ZNF814: variants seen among roughly 807,000 people sequenced by gnomAD.
The protein encoded by ZNF814 is zinc finger protein 814.
A neutral mutation model predicts 7.5 loss-of-function variants in ZNF814; 5 were observed. That is an observed-to-expected ratio of 0.67 (90% confidence interval 0.35 to 1.40). The LOEUF (loss-of-function observed/expected upper bound fraction) is 1.40, where lower values mean the gene tolerates loss of function less well. ZNF814 is among the 40% of genes most tolerant of loss of function. The pLI is 0.04. For synonymous variants in ZNF814, 315 were observed against 340.7 expected (o/e 0.92, Z 0.83); for missense variants, 962 against 1,018.0 (o/e 0.94, Z 0.75).
At chr19:57,889,290 T>G (rs1047344629), upstream of ZNF814, among the ~76,000 whole-genome samples, 1 of 152,198 alleles carries the variant, frequency 6.6e-6, no homozygotes, top group African/African-American at 2.4e-5. Flanking sequence ...CCGCCTGTAA[T>G]TCCACCAGTT....
At chr19:57,876,178 G>A (rs1008985427) in intron 2 of ZNF814, among the ~76,000 whole-genome samples, 2 of 151,780 alleles carry the variant, frequency 1.3e-5, no homozygotes, top group African/African-American at 4.8e-5. Context: ...GGCTGGTCTT[G>A]AACTCCTGAC....
the ZNF814 span, among the ~76,000 whole-genome samples, chr19:57,895,636 C>T: frequency 6.6e-6 from 1 of 152,118 alleles, no homozygotes; most frequent in Non-Finnish European, 1.5e-5. Flanking sequence ...GAGACTCTAA[C>T]TCCCTAAGCT....
In ZNF814 at chr19:57,877,000, C is replaced by G. The variant is rs2071612181; in HGVS notation, c.79G>C (p.Glu27Gln). 6.2e-6 allele frequency: 10 copies of G among 1,614,134 alleles called. No homozygotes were observed. Among genetic ancestry groups the G allele is most frequent in the African/African-American group, 1.3e-5 (1 of 75,026 alleles). The stretch of plus-strand genomic sequence containing the variant: ...GCCTCACTAAGGAGATTCCATTCCT[C>G]CCAGGTAAAGTTCACAGCCACATCT... ...FEDVAVNFTW[E>Q]EWNLLSEAQR... The change falls in exon 2 of 3, where the codon GAG (glutamate) becomes CAG (glutamine). Residue 27 changes from glutamate to glutamine, a missense_variant. Glu to Gln is a conservative substitution (Grantham distance 29). Transcript: ENST00000435989.
intron 1 of ZNF814, among the ~76,000 whole-genome samples, 159 bp downstream of exon 1, chr19:57,888,608 C>T (rs1367991286): frequency 4.6e-5 from 7 of 152,162 alleles, no homozygotes; most frequent in African/African-American, 1.4e-4. Flanking sequence ...CCGGTCTCCC[C>T]ACCGCATCCC....
chr19:57,879,124 C>T (rs1568519844), intron 1 of ZNF814, among the ~76,000 whole-genome samples: 1 of 147,736 alleles, frequency 6.8e-6, no homozygotes, highest in African/African-American at 2.5e-5. Context: ...CCATTCAAAC[C>T]GATCCAATAT....
intron 1 of ZNF814, among the ~76,000 whole-genome samples, chr19:57,887,708 A>G (rs1183932049): frequency 6.6e-6 from 1 of 152,120 alleles, no homozygotes; most frequent in African/African-American, 2.4e-5. Context: ...TAACTTGTGT[A>G]AGCAGATTCT....
chr19:57,883,129 C>T (rs545566257), intron 1 of ZNF814, among the ~76,000 whole-genome samples: 5 of 152,008 alleles, frequency 3.3e-5, no homozygotes, highest in South Asian at 4.2e-4. Context: ...GAGGCCGAGG[C>T]GGGCAGATCA....
chr19:57,877,967 C>A (rs769203563), intron 1 of ZNF814, among the ~76,000 whole-genome samples: 48 of 151,840 alleles, frequency 3.2e-4, no homozygotes, highest in Non-Finnish European at 5.4e-4. Context: ...GAGTTTCAGA[C>A]CAGCCTGGTT....
Position 57,873,588 on chromosome 19 carries a change from T to G in ZNF814, c.1802A>C (p.Glu601Ala). 6.2e-7 allele frequency: 1 copy of G among 1,613,448 alleles called. No individual in the cohort carries two copies. The highest frequency in any genetic ancestry group is 8.5e-7 in the Non-Finnish European group (1 of 1,179,812). ...LRSHQRVHTGERPYECGECGK... is the reference protein window; with the variant it reads ...LRSHQRVHTGARPYECGECGK... ...ACATTCTCCACACTCATAAGGCCTC[T>G]CTCCAGTATGAACGCGCTGATGGCT... The change falls in exon 3 of 3, where the codon GAG (glutamate) becomes GCG (alanine). Residue 601 changes from glutamate (E) to alanine (A), a missense_variant. Transcript: ENST00000435989.
chr19:57,897,538 G>C, the ZNF814 span, among the ~76,000 whole-genome samples: 1 of 152,166 alleles, frequency 6.6e-6, no homozygotes, highest in South Asian at 2.1e-4. Flanking sequence ...AACCTCTTTT[G>C]GGAAAAGGGA....
At chr19:57,885,506 T>C (rs914907740) in intron 1 of ZNF814, among the ~76,000 whole-genome samples, 3 of 150,962 alleles carry the variant, frequency 2.0e-5, no homozygotes, top group African/African-American at 4.9e-5. Flanking sequence ...GGCAGGCACA[T>C]GTAATCCCAG....
In ZNF814 at chr19:57,874,600, G is replaced by C; in HGVS notation, c.790C>G (p.His264Asp). 6.4e-7 allele frequency: 1 copy of C among 1,552,086 alleles called. No homozygotes were observed. Among genetic ancestry groups the C allele is most frequent in the Non-Finnish European group, 8.7e-7 (1 of 1,147,202 alleles). Residue 264 changes from histidine (H) to aspartate (D), a missense_variant, in exon 3 of 3, where the codon CAC becomes GAC. This residue lies in a region of ZNF814 where 126 missense variants were observed against 123.5 expected (regional missense o/e 1.02). Coordinates refer to ENST00000435989, the MANE Select transcript of ZNF814 (RefSeq NM_001144989.2). ...YASLSNHQRV[H>D]TEKKHECGEC... is the part of the protein sequence containing the mutation. The stretch of plus-strand genomic sequence containing the variant: ...CCACATTCATGTTTTTTTTCAGTGT[G>C]AACTCTCTGATGATTACTCAAGCTA...
chr19:57,892,363 A>G (rs1295158519), upstream of ZNF814, among the ~76,000 whole-genome samples: 2 of 152,218 alleles, frequency 1.3e-5, no homozygotes, highest in African/African-American at 2.4e-5. Context: ...TACAGGCCCA[A>G]CTTGGTGGAG....
upstream of ZNF814, among the ~76,000 whole-genome samples, chr19:57,889,835 C>G (rs2071724376): frequency 6.6e-6 from 1 of 151,936 alleles, no homozygotes; most frequent in South Asian, 2.1e-4. Context: ...TGCACTCCAG[C>G]CTGGGTGACA....
intron 1 of ZNF814, chr19:57,885,957 CAG>C (rs1308696761): frequency 4.4e-5 from 5 of 114,406 alleles, no homozygotes; most frequent in Admixed American, 3.4e-4. Flanking sequence ...GTCTGGATGA[CAG>C]AGTGAGACTC....
chr19:57,883,188 CTGT>C (rs1228114581), intron 1 of ZNF814, among the ~76,000 whole-genome samples: 3 of 150,484 alleles, frequency 2.0e-5, no homozygotes, highest in African/African-American at 7.4e-5. Context: ...GAAACCCCAT[CTGT>C]ACTAAAAATA....
rs146347779 is a variant in ZNF814, at chr19:57,872,328, A to G, written c.*494T>C. ...AAAGGCTGAAGGCTTTCTTGCATTC[A>G]TTACATTCAAAAGGCATTTCTGCAG... is the stretch of plus-strand genomic sequence containing the variant. On this transcript the variant is annotated 3_prime_UTR_variant, in exon 3 of 3. Coordinates refer to ENST00000435989, the MANE Select transcript of ZNF814 (RefSeq NM_001144989.2). Among the ~76,000 whole-genome samples the G allele has an allele frequency of 2.2e-4, 34 of 152,346 alleles. No individual in the cohort carries two copies. In the East Asian group the frequency reaches 6.4e-3, roughly 29 times the overall value.
intron 1 of ZNF814, among the ~76,000 whole-genome samples, chr19:57,884,101 A>G (rs540773205): frequency 6.6e-6 from 1 of 152,314 alleles, no homozygotes; most frequent in East Asian, 1.9e-4. Flanking sequence ...AGGCAACCAA[A>G]GCAAAATTGG....
chr19:57,872,494 A>G lies in ZNF814; in HGVS notation c.*328T>C. Reference sequence around the variant, plus strand: ...CTACAAAATTGCCCAAATGTATTTTATTTGTCTAGTGTGAACTCTCTGATA... The same window carrying G: ...CTACAAAATTGCCCAAATGTATTTTGTTTGTCTAGTGTGAACTCTCTGATA... On this transcript the variant is annotated 3_prime_UTR_variant, in exon 3 of 3. Coordinates refer to ENST00000435989, the MANE Select transcript of ZNF814 (RefSeq NM_001144989.2). 2 of 499,446 alleles carry G rather than the reference A, an allele frequency of 4.0e-6. No individual in the cohort carries two copies. Among genetic ancestry groups the G allele is most frequent in the Non-Finnish European group, 7.0e-6 (2 of 286,862 alleles). 30.9% of individuals were successfully genotyped at this position (499,446 alleles called of 1,614,324 possible).
Sources: gnomAD v4.1 joint callset for allele counts (sites outside exome capture counted in the v4.1 genomes callset) on GRCh38, gnomAD v4.1.1 for gene constraint, gnomAD v4.1.1 regional missense constraint, MANE v1.5 for transcripts, NCBI Gene and HGNC (gene_info 2026-07-23, HGNC 2026-07-21) for gene names.